The following EIF4G3 variants were observed in gnomAD, a reference collection of about 807,000 sequenced individuals.
EIF4G3 encodes eIF-4-gamma 3.
EIF4G3 carries 34 observed loss-of-function variants against 186.4 expected under a neutral mutation model. The observed-to-expected ratio is 0.18, with a 90% CI of 0.14 to 0.24. The LOEUF is 0.24. EIF4G3 is among the 10% of genes least tolerant of loss of function. The pLI, the probability that EIF4G3 is intolerant of heterozygous loss-of-function variation, is 1.00. For synonymous variants in EIF4G3, 673 were observed against 679.5 expected (o/e 0.99, Z 0.15); for missense variants, 1,536 against 1,948.5 (o/e 0.79, Z 3.99).
At chr1:20,832,614 A>G (rs1357872339) in intron 30 of EIF4G3, among the ~76,000 whole-genome samples, 1 of 149,394 alleles carries the variant, frequency 6.7e-6, no homozygotes, top group Non-Finnish European at 1.5e-5. Context: ...CTTTAGTTTA[A>G]TTAGATCCCA....
At chr1:20,890,237 T>A (rs2085571608) in intron 18 of EIF4G3, among the ~76,000 whole-genome samples, 2 of 152,112 alleles carry the variant, frequency 1.3e-5, no homozygotes, top group South Asian at 4.2e-4. Flanking sequence ...CCTCCCAAAG[T>A]GCTGGGATTA....
chr1:21,040,377 T>C (rs1010820778), intron 4 of EIF4G3, among the ~76,000 whole-genome samples: 5 of 152,192 alleles, frequency 3.3e-5, no homozygotes, highest in Admixed American at 3.3e-4. Context: ...TACCTTACCA[T>C]AGGCATCTCT....
chr1:20,829,320 G>C, intron 30 of EIF4G3, 48 bp from the exon 31 acceptor site: 1 of 1,597,466 alleles, frequency 6.3e-7, no homozygotes, highest in South Asian at 1.1e-5. Context: ...TAATTCAAAA[G>C]TTAAAATTAA....
At chr1:21,042,522 A>G (rs541364688) in intron 4 of EIF4G3, among the ~76,000 whole-genome samples, 1 of 152,260 alleles carries the variant, frequency 6.6e-6, no homozygotes, top group African/African-American at 2.4e-5. Flanking sequence ...ACTACATTTT[A>G]TAGTTTGTGA....
chr1:21,007,515 T>TAAAAAAAAAAAAAAA lies in EIF4G3; in HGVS notation c.-66-4722_-66-4708dup, dbSNP rs368328382. Among the ~76,000 whole-genome samples, 51 of 14,594 alleles carry TAAAAAAAAAAAAAAA rather than the reference T, an allele frequency of 3.5e-3. 3 individuals are homozygous for TAAAAAAAAAAAAAAA. Among genetic ancestry groups the TAAAAAAAAAAAAAAA allele is most frequent in the Non-Finnish European group, 4.8e-3 (24 of 4,962 alleles). 9.6% of individuals were successfully genotyped at this position (14,594 alleles called of 152,430 possible). On this transcript the variant is annotated intron_variant, in intron 4 of 36. Transcript: ENST00000602326. ...AATATATTCACAATGGGCCCCTCCT[T>TAAAAAAAAAAAAAAA]AAAAAAAAAAAAAAAAAAAAAACAC...
chr1:20,988,139 T>G (rs2080023081), intron 7 of EIF4G3, among the ~76,000 whole-genome samples: 1 of 152,214 alleles, frequency 6.6e-6, no homozygotes, highest in African/African-American at 2.4e-5. Flanking sequence ...AGAAGAAAAG[T>G]TGAAGCTAGC....
At chr1:20,881,922 G>T (rs1341778651) in intron 19 of EIF4G3, among the ~76,000 whole-genome samples, 1 of 152,016 alleles carries the variant, frequency 6.6e-6, no homozygotes, top group Non-Finnish European at 1.5e-5. Context: ...CAGCTCTTTG[G>T]AAGGCAGAGG....
chr1:20,838,355 T>G (rs1286297873), intron 30 of EIF4G3, among the ~76,000 whole-genome samples: 1 of 152,210 alleles, frequency 6.6e-6, no homozygotes, highest in African/African-American at 2.4e-5. Context: ...TCCAGAATTT[T>G]CTGAGGAATG....
chr1:21,100,963 T>C (rs979244562), intron 2 of EIF4G3, among the ~76,000 whole-genome samples: 2 of 152,132 alleles, frequency 1.3e-5, no homozygotes, highest in African/African-American at 4.8e-5. Flanking sequence ...CCTGACAAAC[T>C]TCTCTCTTCA....
At chr1:20,833,518 G>C (rs2065891178) in intron 30 of EIF4G3, among the ~76,000 whole-genome samples, 1 of 152,138 alleles carries the variant, frequency 6.6e-6, no homozygotes, top group African/African-American at 2.4e-5. Context: ...CTGAGACAAA[G>C]GGGTTTTCTA....
intron 2 of EIF4G3, among the ~76,000 whole-genome samples, chr1:21,124,220 G>A (rs1395229681): frequency 2.0e-5 from 3 of 151,856 alleles, no homozygotes; most frequent in Non-Finnish European, 2.9e-5. Context: ...CCCAGGAGGC[G>A]GAGGCAGTAA....
chr1:21,035,466 G>T (rs980930458), intron 4 of EIF4G3, among the ~76,000 whole-genome samples: 1 of 152,170 alleles, frequency 6.6e-6, no homozygotes, highest in South Asian at 2.1e-4. Flanking sequence ...CAGGCTCAGG[G>T]GTGTCTGCTC....
chr1:21,076,386 TC>T (rs1200897153), intron 3 of EIF4G3, among the ~76,000 whole-genome samples: 1 of 150,646 alleles, frequency 6.6e-6, no homozygotes, highest in Non-Finnish European at 1.5e-5. Context: ...AACACCTACA[TC>T]AAAAAAGCAG....
chr1:21,064,440 G>A (rs1366817120), intron 3 of EIF4G3: 2 of 152,132 alleles, frequency 1.3e-5, no homozygotes. Flanking sequence ...CTATTATATG[G>A]CTATTTGAGG....
chr1:21,158,811 T>C (rs1193889163), intron 2 of EIF4G3, among the ~76,000 whole-genome samples: 1 of 152,090 alleles, frequency 6.6e-6, no homozygotes, highest in African/African-American at 2.4e-5. Flanking sequence ...CTAGAGTACA[T>C]TTTGGGCCTT....
chr1:21,049,009 T>C (rs577232533), intron 4 of EIF4G3, among the ~76,000 whole-genome samples: 37 of 152,230 alleles, frequency 2.4e-4, no homozygotes, highest in Non-Finnish European at 3.8e-4. Flanking sequence ...TACAGCAAAT[T>C]TGGGATGGGC....
intron 2 of EIF4G3, among the ~76,000 whole-genome samples, chr1:21,105,763 A>C (rs1282412087): frequency 6.6e-6 from 1 of 152,152 alleles, no homozygotes; most frequent in Admixed American, 6.5e-5. Flanking sequence ...AACAGCTGTG[A>C]TCAAGGATGA....
intron 3 of EIF4G3, among the ~76,000 whole-genome samples, chr1:21,065,932 G>A (rs1262832071): frequency 1.3e-5 from 2 of 151,998 alleles, no homozygotes; most frequent in Non-Finnish European, 2.9e-5. Context: ...CTAAAGCTGT[G>A]GTTTGCAAAG....
chr1:21,066,328 A>T (rs1346198783), intron 3 of EIF4G3, among the ~76,000 whole-genome samples: 1 of 151,780 alleles, frequency 6.6e-6, no homozygotes, highest in Non-Finnish European at 1.5e-5. Flanking sequence ...TAAAAACATT[A>T]AAAAAAATAA....
Sources: gnomAD v4.1 joint callset for allele counts (sites outside exome capture counted in the v4.1 genomes callset) on GRCh38, gnomAD v4.1.1 for gene constraint, MANE v1.5 for transcripts, NCBI Gene and HGNC (gene_info 2026-07-23, HGNC 2026-07-21) for gene names.